KLF12: variants seen among roughly 807,000 people sequenced by gnomAD.
The protein encoded by KLF12 is Krueppel-like factor 12.
In KLF12, 9 loss-of-function variants were observed where a neutral mutation model predicts 37.8. The ratio of observed to expected loss-of-function variants is 0.24; its 90% CI spans 0.14 to 0.42. The LOEUF (loss-of-function observed/expected upper bound fraction) is 0.42. Ranked by LOEUF, KLF12 falls within the 10% of genes least tolerant of loss-of-function variation. The pLI is 1.00. For synonymous variants in KLF12, 208 were observed against 202.1 expected (o/e 1.03, Z -0.25); for missense variants, 411 against 516.0 (o/e 0.80, Z 1.97).
At chr13:74,097,937 C>T (rs1451286352) in intron 1 of KLF12, among the ~76,000 whole-genome samples, 3 of 152,056 alleles carry the variant, frequency 2.0e-5, no homozygotes, top group South Asian at 2.1e-4. Flanking sequence ...CAATTTTCTA[C>T]TCTGTGAAAG....
chr13:74,103,134 C>T (rs891847181), intron 1 of KLF12, among the ~76,000 whole-genome samples: 1 of 152,126 alleles, frequency 6.6e-6, no homozygotes, highest in African/African-American at 2.4e-5. Context: ...TGATGAAATG[C>T]GAAACGTGTG....
At chr13:73,864,199 C>T (rs1886065609) in intron 3 of KLF12, among the ~76,000 whole-genome samples, 1 of 151,880 alleles carries the variant, frequency 6.6e-6, no homozygotes, top group African/African-American at 2.4e-5. Flanking sequence ...GTAATTACTC[C>T]CTAATTTTTA....
chr13:74,117,393 T>C (rs770130745), intron 1 of KLF12, among the ~76,000 whole-genome samples: 1 of 151,986 alleles, frequency 6.6e-6, no homozygotes, highest in African/African-American at 2.4e-5. Context: ...ACCAGAAAAA[T>C]CTAAATAAGA....
chr13:74,060,484 TTGTGTGTGTG>T (rs60242793), intron 1 of KLF12, among the ~76,000 whole-genome samples: 6,971 of 108,552 alleles, frequency 0.064, 246 homozygotes, highest in Non-Finnish European at 0.092. Flanking sequence ...TACCTAGGTT[TTGTGTGTGTG>T]TGTGTGTGTG....
At chr13:74,294,009 T>C in the KLF12 span, among the ~76,000 whole-genome samples, 5 of 152,228 alleles carry the variant, frequency 3.3e-5, no homozygotes, top group Non-Finnish European at 5.9e-5. Context: ...TTAGTGCTTC[T>C]TAAACTTTAA....
intron 1 of KLF12, among the ~76,000 whole-genome samples, chr13:74,042,291 G>T (rs1308751789): frequency 7.0e-6 from 1 of 141,974 alleles, no homozygotes; most frequent in African/African-American, 2.7e-5. Flanking sequence ...GTGACAAAGC[G>T]AGACTCCATC....
the KLF12 span, among the ~76,000 whole-genome samples, chr13:74,178,952 A>AT: frequency 5.9e-4 from 90 of 152,380 alleles, 3 homozygotes; most frequent in East Asian, 0.017. Flanking sequence ...ACCTTTTAAA[A>AT]ATATAACCTC....
chr13:74,166,685 C>T, the KLF12 span, among the ~76,000 whole-genome samples: 1 of 151,978 alleles, frequency 6.6e-6, no homozygotes. Context: ...GCATGGATTT[C>T]CCCCCTACTT....
intron 5 of KLF12, among the ~76,000 whole-genome samples, chr13:73,810,982 C>CTTTCTTTCTTTTTTTTTTTTTTT (rs1555308731): frequency 2.2e-5 from 1 of 44,816 alleles, no homozygotes; most frequent in African/African-American, 8.4e-5. Context: ...ATTTTTCTTT[C>CTTTCTTTCTTTTTTTTTTTTTTT]TTTTTTTTTT....
intron 3 of KLF12, among the ~76,000 whole-genome samples, chr13:73,941,825 A>G (rs1279681683): frequency 2.0e-5 from 3 of 152,324 alleles, no homozygotes; most frequent in Admixed American, 2.0e-4. Context: ...CATATATTTA[A>G]GAGGTACACA....
chr13:74,184,387 C>T, the KLF12 span, among the ~76,000 whole-genome samples: 3 of 151,762 alleles, frequency 2.0e-5, no homozygotes, highest in Non-Finnish European at 1.5e-5. Flanking sequence ...TGTGTGTCAC[C>T]AACTCAATAT....
chr13:74,040,740 C>T (rs1456305098), intron 1 of KLF12, among the ~76,000 whole-genome samples: 1 of 152,138 alleles, frequency 6.6e-6, no homozygotes, highest in Non-Finnish European at 1.5e-5. Flanking sequence ...TATAGTCATA[C>T]AAAACAGTAT....
chr13:74,270,751 G>A, the KLF12 span, among the ~76,000 whole-genome samples: 11 of 152,110 alleles, frequency 7.2e-5, no homozygotes, highest in East Asian at 1.9e-4. Context: ...GGTAGCCTGC[G>A]AACCCTGGAG....
chr13:74,115,007 G>A lies in KLF12; in HGVS notation c.-32+18732C>T, dbSNP rs1179018496. ...AGAATCTAATGCCTGACGATCTAAG[G>A]TAGAAACCATTCCCACTCTTTCCCA... On this transcript the variant is annotated intron_variant, in intron 1 of 7. Transcript: ENST00000377669. 3.9e-5 allele frequency among the ~76,000 whole-genome samples: 6 copies of A among 152,004 alleles called. No homozygotes were observed. In the South Asian group the frequency reaches 1.3e-3, roughly 32 times the overall value.
At chr13:73,969,083 G>A (rs1384841973) in intron 2 of KLF12, among the ~76,000 whole-genome samples, 1 of 151,720 alleles carries the variant, frequency 6.6e-6, no homozygotes, top group Admixed American at 6.6e-5. Flanking sequence ...TACTATATTG[G>A]AGTGGGAGGA....
chr13:73,910,580 T>C (rs1323885223), intron 3 of KLF12, among the ~76,000 whole-genome samples: 2 of 151,988 alleles, frequency 1.3e-5, no homozygotes, highest in African/African-American at 4.8e-5. Context: ...TTAAGAGGGG[T>C]AGGAGAGAGA....
chr13:73,696,313 T>C (rs967854186), intron 7 of KLF12, among the ~76,000 whole-genome samples: 1 of 152,164 alleles, frequency 6.6e-6, no homozygotes, highest in Non-Finnish European at 1.5e-5. Context: ...AGAATCAGGG[T>C]AAGCCCTGAG....
At chr13:74,184,405 C>T in the KLF12 span, among the ~76,000 whole-genome samples, 1 of 151,844 alleles carries the variant, frequency 6.6e-6, no homozygotes, top group South Asian at 2.1e-4. Flanking sequence ...TATAGTAAAC[C>T]AGGAAAGGCT....
chr13:74,031,832 T>TTATAA (rs1893122318), intron 1 of KLF12, among the ~76,000 whole-genome samples: 2 of 152,146 alleles, frequency 1.3e-5, no homozygotes, highest in Admixed American at 1.3e-4. Context: ...TTTCATTCAG[T>TTATAA]TATAAATATG....
Sources: allele counts gnomAD v4.1 joint callset (sites outside exome capture counted in the v4.1 genomes callset), GRCh38; gene constraint gnomAD v4.1.1; transcripts MANE v1.5; gene names NCBI Gene and HGNC (gene_info 2026-07-23, HGNC 2026-07-21).